BNC2: variants seen among roughly 807,000 people sequenced by gnomAD.
The protein encoded by BNC2 is zinc finger protein basonuclin-2.
In BNC2, 20 loss-of-function variants were observed where a neutral mutation model predicts 76.3. The ratio of observed to expected loss-of-function variants is 0.26; its 90% CI spans 0.18 to 0.38. The LOEUF (loss-of-function observed/expected upper bound fraction) is 0.38. BNC2 is among the 10% of genes least tolerant of loss of function. BNC2 has a pLI of 1.00. For synonymous variants in BNC2, 582 were observed against 514.8 expected (o/e 1.13, Z -1.77); for missense variants, 1,382 against 1,399.8 (o/e 0.99, Z 0.20).
At chr9:16,747,446 C>T (rs1825043257) in intron 1 of BNC2, among the ~76,000 whole-genome samples, 1 of 152,164 alleles carries the variant, frequency 6.6e-6, no homozygotes, top group Admixed American at 6.5e-5. Context: ...TATTGAGCAC[C>T]TGTTGTGTGC....
rs1231656391 is a variant in BNC2, at chr9:16,856,872, T to G, written c.3+13774A>C. Among the ~76,000 whole-genome samples the G allele has an allele frequency of 2.0e-5, 3 of 152,182 alleles. No homozygotes were observed. In the South Asian group the frequency reaches 6.2e-4, roughly 32 times the overall value. ...TTCTCCAATCCTAGATGGTGAAATG[T>G]GTATTACAGGGAGATTAGATACCAC... On this transcript the variant is annotated intron_variant, in intron 1 of 6. Coordinates refer to ENST00000380672, the MANE Select transcript of BNC2 (RefSeq NM_017637.6).
chr9:16,502,511 T>C (rs1284744057), intron 5 of BNC2, among the ~76,000 whole-genome samples: 1 of 152,134 alleles, frequency 6.6e-6, no homozygotes, highest in Admixed American at 6.5e-5. Context: ...TTGGGGACAC[T>C]AGTTTAGACA....
intron 1 of BNC2, among the ~76,000 whole-genome samples, chr9:16,750,076 AC>A (rs1163343216): frequency 1.3e-5 from 2 of 152,210 alleles, no homozygotes; most frequent in Non-Finnish European, 2.9e-5. Flanking sequence ...GAGCATGAGG[AC>A]CTAAACTAGG....
intron 1 of BNC2, among the ~76,000 whole-genome samples, chr9:16,841,075 G>A (rs140193561): frequency 6.6e-6 from 1 of 152,214 alleles, no homozygotes; most frequent in Non-Finnish European, 1.5e-5. Flanking sequence ...TGACCTCATG[G>A]GCAATGTTCT....
chr9:16,561,214 G>A (rs1434200579), intron 4 of BNC2, among the ~76,000 whole-genome samples: 2 of 151,372 alleles, frequency 1.3e-5, no homozygotes, highest in African/African-American at 4.9e-5. Flanking sequence ...ACTCCGCCTG[G>A]GCAACAAGAG....
intron 3 of BNC2, among the ~76,000 whole-genome samples, chr9:16,668,572 G>C (rs1301131009): frequency 6.6e-6 from 1 of 152,130 alleles, no homozygotes; most frequent in Admixed American, 6.5e-5. Flanking sequence ...TCAATGACTA[G>C]GCCTATGCTA....
intron 5 of BNC2, among the ~76,000 whole-genome samples, chr9:16,538,043 T>A (rs1818181988): frequency 6.6e-6 from 1 of 152,174 alleles, no homozygotes; most frequent in South Asian, 2.1e-4. Flanking sequence ...ATTTTGATAC[T>A]CCAGACGTCT....
At position 16,418,722 on chromosome 9, in the gene BNC2, G is replaced by C; in HGVS notation, c.*267C>G. The C allele has an allele frequency of 4.4e-6, 2 of 455,662 alleles. No individual in the cohort carries two copies. The highest frequency in any genetic ancestry group is 8.0e-6 in the Non-Finnish European group (2 of 249,870). 28.2% of individuals were successfully genotyped at this position (455,662 alleles called of 1,614,324 possible). A position where few individuals can be genotyped will look rare whatever the true frequency, so the allele number is the denominator to read the frequency against. On this transcript the variant is annotated 3_prime_UTR_variant, in exon 7 of 7. Coordinates refer to ENST00000380672, the MANE Select transcript of BNC2 (RefSeq NM_017637.6). The stretch of plus-strand genomic sequence containing the variant: ...CATGTGTGTGTGTGTGTGTTTAAAG[G>C]GGTACTCTGTTTTCACCCTGAAATC...
At chr9:16,800,675 A>C (rs1328252225) in intron 1 of BNC2, among the ~76,000 whole-genome samples, 1 of 152,190 alleles carries the variant, frequency 6.6e-6, no homozygotes, top group Non-Finnish European at 1.5e-5. Flanking sequence ...ATTTTTAAAT[A>C]ATTTTCAGTG....
chr9:16,785,522 G>C (rs989946228), intron 1 of BNC2, among the ~76,000 whole-genome samples: 5 of 150,196 alleles, frequency 3.3e-5, no homozygotes, highest in Non-Finnish European at 5.9e-5. Context: ...AGCCTCCTGA[G>C]TTGCTGGGAC....
chr9:16,607,234 G>A (rs1012005704), intron 3 of BNC2, among the ~76,000 whole-genome samples: 1 of 152,196 alleles, frequency 6.6e-6, no homozygotes, highest in African/African-American at 2.4e-5. Context: ...GAGCCACAGT[G>A]CGCTGTGGTA....
chr9:16,461,525 T>C (rs1563794567), intron 5 of BNC2, among the ~76,000 whole-genome samples: 1 of 151,064 alleles, frequency 6.6e-6, no homozygotes, highest in Non-Finnish European at 1.5e-5. Flanking sequence ...CACAGATACT[T>C]AGACTCTTAA....
rs552520127 is a variant in BNC2 at position 16,418,750 on chromosome 9, A to G, written c.*239T>C. On this transcript the variant is annotated 3_prime_UTR_variant, in exon 7 of 7. Coordinates refer to ENST00000380672, the MANE Select transcript of BNC2 (RefSeq NM_017637.6). ...TACTCTGTTTTCACCCTGAAATCAA[A>G]GATCCCACTCCTTTCCCAAAACTAT... 3 of 536,908 alleles carry G rather than the reference A, an allele frequency of 5.6e-6. No homozygotes were observed. The highest frequency in any genetic ancestry group is 3.2e-5 in the Admixed American group (1 of 31,562). The allele number at this position is 536,908 out of a possible 1,614,324, so 33.3% of individuals were successfully genotyped here.
At chr9:16,700,700 C>T (rs1823484423) in intron 3 of BNC2, among the ~76,000 whole-genome samples, 1 of 152,142 alleles carries the variant, frequency 6.6e-6, no homozygotes, top group African/African-American at 2.4e-5. Context: ...TGGCTCATGC[C>T]TGTAATCCCA....
intron 2 of BNC2, among the ~76,000 whole-genome samples, chr9:16,729,626 A>G (rs1824449549): frequency 1.3e-5 from 2 of 152,118 alleles, no homozygotes; most frequent in African/African-American, 4.8e-5. Context: ...ACAAACAAGA[A>G]CCCAAAGAAT....
At chr9:16,457,039 G>A (rs765126032) in intron 5 of BNC2, among the ~76,000 whole-genome samples, 8 of 152,122 alleles carry the variant, frequency 5.3e-5, no homozygotes, top group Non-Finnish European at 1.2e-4. Flanking sequence ...CGAACATTGT[G>A]TTATGTCTCT....
At chr9:16,555,634 A>G (rs1818807168) in intron 4 of BNC2, among the ~76,000 whole-genome samples, 1 of 151,990 alleles carries the variant, frequency 6.6e-6, no homozygotes, top group Non-Finnish European at 1.5e-5. Flanking sequence ...ACCTCTACAA[A>G]AAATGGAAAA....
intron 5 of BNC2, among the ~76,000 whole-genome samples, chr9:16,513,296 G>A (rs1371323656): frequency 7.2e-6 from 1 of 138,094 alleles, no homozygotes; most frequent in African/African-American, 2.8e-5. Context: ...ATGAGAAAAG[G>A]TTCTTTTTTT....
At chr9:16,799,332 T>G (rs907547560) in intron 1 of BNC2, among the ~76,000 whole-genome samples, 3 of 152,114 alleles carry the variant, frequency 2.0e-5, no homozygotes, top group Non-Finnish European at 4.4e-5. Context: ...TATTTATTTT[T>G]GATATGGAGT....
Sources: allele counts gnomAD v4.1 joint callset (sites outside exome capture counted in the v4.1 genomes callset), GRCh38; gene constraint gnomAD v4.1.1; transcripts MANE v1.5; gene names NCBI Gene and HGNC (gene_info 2026-07-23, HGNC 2026-07-21).